Variants in ZDHHC7 observed in about 807,000 individuals in gnomAD.
The protein encoded by ZDHHC7 is palmitoyltransferase ZDHHC7.
A neutral mutation model predicts 34.1 loss-of-function variants in ZDHHC7; 12 were observed. That is an observed-to-expected ratio of 0.35 (90% CI 0.23 to 0.57). The LOEUF is 0.57. Ranked by LOEUF, ZDHHC7 falls within the 20% of genes least tolerant of loss-of-function variation. The probability of loss-of-function intolerance (pLI) is 0.84; values close to 1 mark genes in which losing one functional copy is unlikely to be tolerated. For synonymous variants in ZDHHC7, 185 were observed against 155.4 expected, an observed-to-expected ratio of 1.19 and a Z score of -1.42; for missense variants, 388 against 402.7, an observed-to-expected ratio of 0.96 and a Z score of 0.31.
At chr16:85,013,117 GCAAA>G (rs1466715503), upstream of ZDHHC7, among the ~76,000 whole-genome samples, 1 of 151,352 alleles carries the variant, frequency 6.6e-6, no homozygotes, top group Non-Finnish European at 1.5e-5. Context: ...AAAGGAATCT[GCAAA>G]CAAACCTTAC....
chr16:84,990,340 G>C lies in ZDHHC7; in HGVS notation c.279C>G (p.Ala93=), dbSNP rs748626666. 41 of 1,613,958 alleles carry C rather than the reference G, an allele frequency of 2.5e-5. No homozygotes were observed. Among genetic ancestry groups the C allele is most frequent in the Non-Finnish European group, 3.4e-5 (40 of 1,180,026 alleles). Residue 93 remains alanine, a synonymous_variant, in exon 3 of 8, where the codon GCC becomes GCG. Transcript: ENST00000313732. ...GCATGGTTCTCAGGTGGGATGACAG[G>C]GCAAGCACGGCCAAGCAGTTAAAGA... ...GVIFNCLAVL[A]LSSHLRTMLT...
chr16:85,019,159 A>G, the ZDHHC7 span, among the ~76,000 whole-genome samples: 21 of 152,280 alleles, frequency 1.4e-4, no homozygotes, highest in Non-Finnish European at 2.8e-4. Context: ...CCGGTCCCCC[A>G]TGTAAAATTT....
upstream of ZDHHC7, among the ~76,000 whole-genome samples, chr16:85,012,543 A>G (rs975015754): frequency 4.6e-5 from 7 of 152,234 alleles, no homozygotes; most frequent in Middle Eastern, 3.4e-3. Context: ...GTAAGACCCC[A>G]TAAGACGAGA....
chr16:84,977,632 G>A (rs1337530070), intron 6 of ZDHHC7, among the ~76,000 whole-genome samples: 1 of 152,186 alleles, frequency 6.6e-6, no homozygotes, highest in Non-Finnish European at 1.5e-5. Context: ...AGGATAACGA[G>A]CACCTATTTT....
chr16:85,013,479 G>C (rs745581224), upstream of ZDHHC7, among the ~76,000 whole-genome samples: 2 of 152,260 alleles, frequency 1.3e-5, no homozygotes, highest in African/African-American at 4.8e-5. Context: ...CTGACTGCAA[G>C]TGATCCACCC....
rs920491945 is a variant in ZDHHC7 at position 85,005,595 on chromosome 16, C to A, written c.-104+5691G>T. ...GCCCGTGTTCTTCCACTAAAATACA[C>A]TGGCTTCCAGAGCACTCAGTTTAAG... On this transcript the variant is annotated intron_variant, in intron 1 of 7. Transcript: ENST00000313732. Among the ~76,000 whole-genome samples the A allele has an allele frequency of 1.1e-4, 16 of 152,330 alleles. No homozygotes were observed. In the East Asian group the frequency reaches 1.9e-3, roughly 18 times the overall value.
the ZDHHC7 span, among the ~76,000 whole-genome samples, chr16:85,024,169 T>C: frequency 6.7e-6 from 1 of 150,038 alleles, no homozygotes; most frequent in Non-Finnish European, 1.5e-5. Flanking sequence ...CCACCCGCCT[T>C]GGCTTCCCAA....
At chr16:85,005,533 C>A (rs1201297500) in intron 1 of ZDHHC7, among the ~76,000 whole-genome samples, 1 of 152,194 alleles carries the variant, frequency 6.6e-6, no homozygotes, top group Non-Finnish European at 1.5e-5. Context: ...AGATCCACAG[C>A]CAGTTAGGGT....
intron 3 of ZDHHC7, among the ~76,000 whole-genome samples, chr16:84,985,656 A>G (rs1021722629): frequency 1.3e-5 from 2 of 152,166 alleles, no homozygotes; most frequent in Non-Finnish European, 1.5e-5. Context: ...GAAAAAAATT[A>G]TAAAAGAATT....
intron 3 of ZDHHC7, among the ~76,000 whole-genome samples, chr16:84,983,285 A>T (rs1006323437): frequency 7.9e-5 from 12 of 152,222 alleles, no homozygotes; most frequent in African/African-American, 2.9e-4. Context: ...AGAGGTGGTG[A>T]AGGGCTCTGC....
chr16:85,021,330 T>C, the ZDHHC7 span, among the ~76,000 whole-genome samples: 1 of 148,338 alleles, frequency 6.7e-6, no homozygotes, highest in Admixed American at 6.9e-5. Flanking sequence ...AAGAATCGTT[T>C]GAACCCAGGA....
At chr16:85,024,941 A>C in the ZDHHC7 span, among the ~76,000 whole-genome samples, 1 of 152,170 alleles carries the variant, frequency 6.6e-6, no homozygotes, top group Admixed American at 6.5e-5. Context: ...CTAAGCTGAG[A>C]CAATATAAGC....
upstream of ZDHHC7, among the ~76,000 whole-genome samples, chr16:85,013,230 T>C: frequency 1.3e-5 from 2 of 152,222 alleles, no homozygotes; most frequent in South Asian, 4.1e-4. Context: ...AAAGTATTGT[T>C]CTTTTATTAT....
intron 3 of ZDHHC7, among the ~76,000 whole-genome samples, chr16:84,989,776 C>A (rs553440798): frequency 1.1e-4 from 16 of 151,584 alleles, no homozygotes; most frequent in Admixed American, 9.2e-4. Flanking sequence ...AGACAAGAAC[C>A]CAGTAGATTT....
chr16:84,979,404 A>G, intron 4 of ZDHHC7, 119 bp from the exon 5 acceptor site: 1 of 1,344,168 alleles, frequency 7.4e-7, no homozygotes. Context: ...AACATGTCAA[A>G]AAATATCATA....
chr16:84,993,397 C>CAAGGT lies in ZDHHC7; in HGVS notation c.-18+2520_-18+2524dup, dbSNP rs538836049. ...CTGTAATCTCAGCACTTTAGGAGGC[C>CAAGGT]AAGGTGGGAGGATCTCTTGAGCCCA... On this transcript the variant is annotated intron_variant, in intron 2 of 7. Coordinates refer to ENST00000313732, the MANE Select transcript of ZDHHC7 (RefSeq NM_017740.3). Among the ~76,000 whole-genome samples the CAAGGT allele has an allele frequency of 2.0e-5, 3 of 152,122 alleles. No homozygotes were observed. The East Asian group carries it at 5.8e-4, about 29-fold the overall frequency.
chr16:84,976,609 G>C (rs1363030466), intron 7 of ZDHHC7, 90 bp from the exon 8 acceptor site: 5 of 1,503,596 alleles, frequency 3.3e-6, no homozygotes, highest in Non-Finnish European at 4.5e-6. Flanking sequence ...CTCAAGCACA[G>C]TGTGGGCTCG....
At chr16:84,977,427 C>T in intron 6 of ZDHHC7, 1 of 616,424 alleles carries the variant, frequency 1.6e-6, no homozygotes, top group Non-Finnish European at 2.8e-6. Context: ...CCATGACTTC[C>T]TGGCCAGTGG....
In ZDHHC7 at chr16:84,977,387, G is replaced by A; in HGVS notation, c.620-162C>T. ...ATTCATTGTTCTCCAAGGAGCAGAG[G>A]AGGGCCACCCTTCCAAGCAAAAATT... On this transcript the variant is annotated intron_variant, in intron 6 of 7. Transcript: ENST00000313732. 4.6e-6 allele frequency: 4 copies of A among 871,088 alleles called. No individual in the cohort carries two copies. The South Asian group carries it at 5.7e-5, about 12-fold the overall frequency. The allele number at this position is 871,088 out of a possible 1,614,324, so 54.0% of individuals were successfully genotyped here.
Sources: gnomAD v4.1 joint callset for allele counts (sites outside exome capture counted in the v4.1 genomes callset) on GRCh38, gnomAD v4.1.1 for gene constraint, MANE v1.5 for transcripts, NCBI Gene and HGNC (gene_info 2026-07-23, HGNC 2026-07-21) for gene names.